DRAM1: variants seen among roughly 807,000 people sequenced by gnomAD.
DRAM1 encodes the protein DNA damage regulated autophagy modulator 1, also known as DNA damage-regulated autophagy modulator protein 1.
DRAM1 carries 25 observed loss-of-function variants against 28.5 expected under a neutral mutation model. The observed-to-expected ratio is 0.88, with a 90% CI of 0.64 to 1.23. The LOEUF is 1.23. Ranked by LOEUF, DRAM1 falls within the 50% of genes most tolerant of loss-of-function variation. DRAM1 has a pLI of 0.00. For missense variants in DRAM1, 249 were observed against 299.2 expected, an observed-to-expected ratio of 0.83 and a Z score of 1.24; for synonymous variants, 113 against 114.2, an observed-to-expected ratio of 0.99 and a Z score of 0.07.
intron 1 of DRAM1, among the ~76,000 whole-genome samples, chr12:101,894,292 A>G (rs550792365): frequency 1.3e-5 from 2 of 151,800 alleles, no homozygotes; most frequent in Non-Finnish European, 2.9e-5. Flanking sequence ...TAATTTTTAT[A>G]TTTTAGTAGA....
chr12:101,880,079 G>T (rs141760679), intron 1 of DRAM1, among the ~76,000 whole-genome samples: 1 of 151,456 alleles, frequency 6.6e-6, no homozygotes, highest in African/African-American at 2.4e-5. Context: ...ACAAAGTCTC[G>T]CTCTGTTGCC....
chr12:101,883,753 T>C (rs1347863939), intron 1 of DRAM1, among the ~76,000 whole-genome samples: 1 of 151,106 alleles, frequency 6.6e-6, no homozygotes, highest in African/African-American at 2.4e-5. Context: ...CTGGCCAACA[T>C]TGTGAAACCC....
At position 101,921,461 on chromosome 12, in the gene DRAM1, T is replaced by G; in HGVS notation, c.*201T>G. On this transcript the variant is annotated 3_prime_UTR_variant, in exon 7 of 7. Transcript: ENST00000258534. ...GAGAATGTACAGCCTTATGACACTG[T>G]AGTGATGTTTTTATAATTTTCTAAG... 1 of 417,396 alleles carries G rather than the reference T, an allele frequency of 2.4e-6. No individual in the cohort carries two copies. The highest frequency in any genetic ancestry group is 4.3e-6 in the Non-Finnish European group (1 of 233,892). 25.9% of individuals were successfully genotyped at this position (417,396 alleles called of 1,614,324 possible).
chr12:101,889,646 A>C (rs150670256), intron 1 of DRAM1, among the ~76,000 whole-genome samples: 5 of 152,214 alleles, frequency 3.3e-5, no homozygotes, highest in African/African-American at 1.2e-4. Flanking sequence ...CATCTTTAAG[A>C]TGGCAATAGT....
At chr12:101,887,677 C>T (rs1477192462) in intron 1 of DRAM1, among the ~76,000 whole-genome samples, 3 of 151,864 alleles carry the variant, frequency 2.0e-5, no homozygotes, top group South Asian at 2.1e-4. Context: ...ACTACAGGCA[C>T]GTGCCACCAT....
intron 2 of DRAM1, among the ~76,000 whole-genome samples, chr12:101,899,653 C>G (rs1265858152): frequency 7.1e-6 from 1 of 141,606 alleles, no homozygotes; most frequent in African/African-American, 2.7e-5. Flanking sequence ...CACTCCCACC[C>G]AGGTGACAGA....
rs889056674 is a variant in DRAM1, at chr12:101,920,095, T to A, written c.580-14T>A. 12 of 1,557,830 alleles carry A rather than the reference T, an allele frequency of 7.7e-6. No individual in the cohort carries two copies. In the East Asian group the frequency reaches 2.7e-4, roughly 36 times the overall value. ...CTTTTTCGGCTAAATTCTGTTTCTTTATTATTGCATTAGGATTATGTATAT... is the reference window on the plus strand; with the variant it reads ...CTTTTTCGGCTAAATTCTGTTTCTTAATTATTGCATTAGGATTATGTATAT... On this transcript the variant is annotated splice_polypyrimidine_tract_variant and intron_variant, in intron 5 of 6. Transcript: ENST00000258534.
chr12:101,908,689 A>G (rs571639347), intron 4 of DRAM1, among the ~76,000 whole-genome samples: 18 of 152,164 alleles, frequency 1.2e-4, no homozygotes, highest in Admixed American at 1.0e-3. Context: ...GAGGAACCCA[A>G]TCAGATATTG....
At chr12:101,914,273 T>C (rs1874150285) in intron 5 of DRAM1, 41 bp downstream of exon 5, 1 of 1,528,172 alleles carries the variant, frequency 6.5e-7, no homozygotes, top group Admixed American at 1.8e-5. Flanking sequence ...TCGGACGTGG[T>C]TATGTGAGCT....
chr12:101,916,661 A>G (rs1234900817), intron 5 of DRAM1, among the ~76,000 whole-genome samples: 1 of 152,198 alleles, frequency 6.6e-6, no homozygotes, highest in Non-Finnish European at 1.5e-5. Context: ...GAGACAGAGG[A>G]TTCTTTCCCC....
intron 3 of DRAM1, among the ~76,000 whole-genome samples, chr12:101,906,854 C>CAAAAAAAAAAAAAAAAAAAAAAAAA: frequency 1.5e-5 from 1 of 67,510 alleles, no homozygotes; most frequent in Admixed American, 1.9e-4. Flanking sequence ...GACTCTGCCT[C>CAAAAAAAAAAAAAAAAAAAAAAAAA]AAAAAAAAAA....
intron 1 of DRAM1, among the ~76,000 whole-genome samples, chr12:101,897,298 C>G (rs1409447905): frequency 1.3e-5 from 2 of 151,988 alleles, no homozygotes; most frequent in East Asian, 3.9e-4. Context: ...CTCCCTGGTT[C>G]AAGAGATTTT....
intron 1 of DRAM1, among the ~76,000 whole-genome samples, chr12:101,879,424 C>T (rs531504844): frequency 1.8e-4 from 28 of 152,266 alleles, no homozygotes; most frequent in South Asian, 2.1e-4. Flanking sequence ...TCTGGCCTTT[C>T]GGTTTTTTCC....
intron 3 of DRAM1, among the ~76,000 whole-genome samples, chr12:101,903,709 A>G (rs1343308183): frequency 1.3e-5 from 2 of 152,168 alleles, no homozygotes; most frequent in Admixed American, 6.5e-5. Context: ...ATGAATAAGT[A>G]TGTGAGGTGA....
At chr12:101,913,314 T>G (rs1400928283) in intron 4 of DRAM1, among the ~76,000 whole-genome samples, 1 of 152,130 alleles carries the variant, frequency 6.6e-6, no homozygotes, top group Non-Finnish European at 1.5e-5. Flanking sequence ...CAGAAGTCTG[T>G]TTTTTAAAGA....
Position 101,920,098 on chromosome 12 carries a change from TATTGC to T in DRAM1, c.580-7_580-3del. On this transcript the variant is annotated splice_region_variant and splice_polypyrimidine_tract_variant and intron_variant, in intron 5 of 6. Coordinates refer to ENST00000258534, the MANE Select transcript of DRAM1 (RefSeq NM_018370.3). ...TTTCGGCTAAATTCTGTTTCTTTAT[TATTGC>T]ATTAGGATTATGTATATCACGTAGT... 1.3e-6 allele frequency: 2 copies of T among 1,565,790 alleles called. No homozygotes were observed. Among genetic ancestry groups the T allele is most frequent in the Non-Finnish European group, 1.7e-6 (2 of 1,153,602 alleles).
intron 3 of DRAM1, among the ~76,000 whole-genome samples, chr12:101,902,528 G>A (rs953945196): frequency 3.9e-5 from 6 of 152,180 alleles, no homozygotes; most frequent in Non-Finnish European, 4.4e-5. Flanking sequence ...GGTATAATTT[G>A]TCTAGTACAG....
intron 2 of DRAM1, among the ~76,000 whole-genome samples, chr12:101,901,078 G>GGTGTGTGTGT (rs67125604): frequency 7.0e-6 from 1 of 142,930 alleles, no homozygotes; most frequent in African/African-American, 2.6e-5. Flanking sequence ...ACAGCCAAGG[G>GGTGTGTGTGT]GTGTGTGTGT....
chr12:101,903,006 C>T (rs542879424), intron 3 of DRAM1, among the ~76,000 whole-genome samples: 29 of 152,028 alleles, frequency 1.9e-4, no homozygotes, highest in Admixed American at 4.6e-4. Flanking sequence ...CTGCAACCTC[C>T]GCCCCGGGTT....
Sources: allele counts gnomAD v4.1 joint callset (sites outside exome capture counted in the v4.1 genomes callset), GRCh38; gene constraint gnomAD v4.1.1; transcripts MANE v1.5; gene names NCBI Gene and HGNC (gene_info 2026-07-23, HGNC 2026-07-21).